CEP250: variants seen among roughly 807,000 people sequenced by gnomAD.
The protein encoded by CEP250 is centrosome-associated protein CEP250.
CEP250 carries 242 observed loss-of-function variants against 315.7 expected under a neutral mutation model. The ratio of observed to expected loss-of-function variants is 0.77; its 90% CI spans 0.69 to 0.85. The LOEUF (loss-of-function observed/expected upper bound fraction) is 0.85, where lower values mean the gene tolerates loss of function less well. Ranked by LOEUF, CEP250 falls within the 40% of genes least tolerant of loss-of-function variation. CEP250 has a pLI of 0.00. For missense variants in CEP250, 2,515 were observed against 2,886.4 expected (o/e 0.87, Z 2.95); for synonymous variants, 1,088 against 1,175.0 (o/e 0.93, Z 1.51).
chr20:35,458,508 G>A (rs573133105), intron 2 of CEP250, 134 bp downstream of exon 2: 1 of 152,234 alleles, frequency 6.6e-6, no homozygotes, highest in Non-Finnish European at 1.5e-5. Context: ...GATAACATTG[G>A]CTCAGTGGTT....
Position 35,476,554 on chromosome 20 carries a change from T to G in CEP250, c.1822T>G (p.Leu608Val). 1 of 1,613,998 alleles carries G rather than the reference T, an allele frequency of 6.2e-7. No individual in the cohort carries two copies. Among genetic ancestry groups the G allele is most frequent in the South Asian group, 1.1e-5 (1 of 91,082 alleles). Reference sequence around the variant, plus strand: ...CAAGCTCAGTGCCTTAAATGAGGCTTTGGCGTTAGATAAAGTTGGGCTGAA... The same window carrying G: ...CAAGCTCAGTGCCTTAAATGAGGCTGTGGCGTTAGATAAAGTTGGGCTGAA... ...AVKLSALNEALALDKVGLNQQ... is the reference protein window; with the variant it reads ...AVKLSALNEAVALDKVGLNQQ... The change falls in exon 16 of 35, where the codon TTG becomes GTG. Residue 608 changes from leucine (L) to valine (V), a missense_variant. Leu to Val is a conservative substitution (Grantham distance 32). Transcript: ENST00000397527.
rs1241870345 is a variant in CEP250, at chr20:35,507,760, G to A, written c.6659G>A (p.Arg2220Gln). The change falls in exon 31 of 35, where the codon CGG becomes CAG. Residue 2220 changes from arginine to glutamine, a missense_variant. Physicochemically the swap from Arg to Gln is conservative, Grantham distance 43. Coordinates refer to ENST00000397527, the MANE Select transcript of CEP250 (RefSeq NM_007186.6). ...TAGGATGAACTGGAGCTCACCAGAC[G>A]GGCTCTGGAGAAGGAGCGGCTACAC... ...RLQDELELTR[R>Q]ALEKERLHSP... 9 of 1,555,890 alleles carry A rather than the reference G, an allele frequency of 5.8e-6. No individual in the cohort carries two copies. The highest frequency in any genetic ancestry group is 4.7e-5 in the South Asian group (4 of 84,830).
chr20:35,463,081 T>G (rs2062793437), intron 4 of CEP250, among the ~76,000 whole-genome samples: 5 of 152,102 alleles, frequency 3.3e-5, no homozygotes, highest in African/African-American at 1.2e-4. Context: ...TGAGACAGAG[T>G]CTCGCTCATA....
In CEP250 at chr20:35,503,934, G is replaced by A. The variant is rs775263043; in HGVS notation, c.5565G>A (p.Lys1855=). 1 of 1,613,386 alleles carries A rather than the reference G, an allele frequency of 6.2e-7. No homozygotes were observed. The highest frequency in any genetic ancestry group is 1.7e-5 in the Admixed American group (1 of 59,876). The change falls in exon 30 of 35, where the codon AAG becomes AAA. Residue 1855 remains lysine (K), a synonymous_variant. Coordinates refer to ENST00000397527, the MANE Select transcript of CEP250 (RefSeq NM_007186.6). This position sits in a 1 kb window ranked among gnomAD's most constrained non-coding sequence, Gnocchi z 4.2. ...GALEQAHMTL[K]ERHGELQDHK... ...TGGAGCAAGCCCATATGACACTGAA[G>A]GAGCGTCATGGAGAGCTTCAGGACC...
chr20:35,459,328 A>C (rs962762257), intron 2 of CEP250, among the ~76,000 whole-genome samples: 1 of 152,012 alleles, frequency 6.6e-6, no homozygotes, highest in African/African-American at 2.4e-5. Flanking sequence ...TTATTTGCTT[A>C]AGTATTACTA....
rs1234444438 is a variant in CEP250 at position 35,475,610 on chromosome 20, G to C, written c.1680G>C (p.Arg560Ser). The stretch of plus-strand genomic sequence containing the variant: ...GTCACCTGGAAGGGGAGTTACTGAG[G>C]CAAGAGCAAACGGAAGTGACCGCAG... ...ESSHLEGELL[R>S]QEQTEVTAAL... Residue 560 changes from arginine to serine, a missense_variant, in exon 15 of 35, where the codon AGG becomes AGC. Arg to Ser is a moderately radical substitution (Grantham distance 110, BLOSUM62 -1). Transcript: ENST00000397527. The C allele has an allele frequency of 5.0e-6, 8 of 1,613,964 alleles. No individual in the cohort carries two copies. The highest frequency in any genetic ancestry group is 6.8e-6 in the Non-Finnish European group (8 of 1,180,022).
chr20:35,498,693 C>CT lies in CEP250; in HGVS notation c.3755dup (p.Trp1253ValfsTer23), dbSNP rs759659803. The CT allele has an allele frequency of 2.5e-6, 4 of 1,594,940 alleles. No individual in the cohort carries two copies. The highest frequency in any genetic ancestry group is 3.4e-6 in the Non-Finnish European group (4 of 1,174,382). ...TGCCCTCCACAAGCTTCATCAAGAC[C>CT]TGTGGAAGACTCAACAGACCCGGGT... is the stretch of plus-strand genomic sequence containing the variant. On this transcript the variant is annotated frameshift_variant, in exon 27 of 35. Transcript: ENST00000397527. LOFTEE classifies it high-confidence loss of function.
At chr20:35,469,700 T>C in intron 9 of CEP250, 190 bp from the exon 10 acceptor site, 1 of 437,374 alleles carries the variant, frequency 2.3e-6, no homozygotes, top group Non-Finnish European at 4.0e-6. Flanking sequence ...GGTTTTTTGC[T>C]TCCCCACTTC....
In CEP250 at chr20:35,504,245, C is replaced by T; in HGVS notation, c.5876C>T (p.Ala1959Val). Reference protein sequence around the residue: ...SQSSRHQEEAARARAEALQEA... With the variant: ...SQSSRHQEEAVRARAEALQEA... Reference sequence around the variant, plus strand: ...TCCTCCCGGCATCAGGAGGAGGCTGCCCGGGCCCGGGCTGAGGCTCTGCAG... The same window carrying T: ...TCCTCCCGGCATCAGGAGGAGGCTGTCCGGGCCCGGGCTGAGGCTCTGCAG... The change falls in exon 30 of 35, where the codon GCC (alanine) becomes GTC (valine). Residue 1959 changes from alanine (A) to valine (V), a missense_variant. Coordinates refer to ENST00000397527, the MANE Select transcript of CEP250 (RefSeq NM_007186.6). The T allele has an allele frequency of 1.3e-6, 2 of 1,599,928 alleles. No homozygotes were observed. Among genetic ancestry groups the T allele is most frequent in the African/African-American group, 1.3e-5 (1 of 74,776 alleles).
chr20:35,467,253 C>T (rs751711345), intron 8 of CEP250, 51 bp from the exon 9 acceptor site: 1 of 1,584,940 alleles, frequency 6.3e-7, no homozygotes, highest in African/African-American at 1.3e-5. Flanking sequence ...GATCACCACA[C>T]TCCTTCCCTG....
intron 19 of CEP250, 24 bp from the exon 20 acceptor site, chr20:35,479,952 C>A: frequency 6.2e-7 from 1 of 1,611,598 alleles, no homozygotes; most frequent in Non-Finnish European, 8.5e-7. Context: ...GGGCGGAGGC[C>A]TGATCCTGTC....
In CEP250 at chr20:35,500,143, A is replaced by G. The variant is rs1248345630; in HGVS notation, c.3872A>G (p.Gln1291Arg). ...GTCCACACAGAGTTGCAGGATCTGC[A>G]GAGACAGCTCTCCCAGAATCAGGAA... Reference protein sequence around the residue: ...SQVHTELQDLQRQLSQNQEEK... With the variant: ...SQVHTELQDLRRQLSQNQEEK... The change falls in exon 28 of 35, where the codon CAG becomes CGG. Residue 1291 changes from glutamine (Q) to arginine (R), a missense_variant. Gln to Arg is a conservative substitution (Grantham distance 43). Transcript: ENST00000397527. The G allele has an allele frequency of 3.7e-6, 6 of 1,613,992 alleles. No individual in the cohort carries two copies. The highest frequency in any genetic ancestry group is 5.1e-6 in the Non-Finnish European group (6 of 1,180,034).
rs777012903 is a variant in CEP250, at chr20:35,503,900, A to C, written c.5531A>C (p.Gln1844Pro). ...ERVKEKADAL[Q>P]GALEQAHMTL... ...GTGAAGGAAAAGGCAGACGCCCTCC[A>C]GGGAGCTCTGGAGCAAGCCCATATG... Residue 1844 changes from glutamine (Q) to proline (P), a missense_variant, in exon 30 of 35, where the codon CAG (glutamine) becomes CCG (proline). Gln to Pro is a moderately conservative substitution (Grantham distance 76). Coordinates refer to ENST00000397527, the MANE Select transcript of CEP250 (RefSeq NM_007186.6). The surrounding 1 kb of genome is among the most constrained non-coding windows in gnomAD (Gnocchi z 4.2). 1 of 1,613,968 alleles carries C rather than the reference A, an allele frequency of 6.2e-7. No homozygotes were observed. Among genetic ancestry groups the C allele is most frequent in the South Asian group, 1.1e-5 (1 of 91,064 alleles).
At chr20:35,462,208 T>G in intron 3 of CEP250, 57 bp from the exon 4 acceptor site, 2 of 569,760 alleles carry the variant, frequency 3.5e-6, no homozygotes, top group East Asian at 2.9e-5. Flanking sequence ...TTCTGAGGAG[T>G]CTTGTGTGTA....
chr20:35,472,938 G>A, intron 12 of CEP250, 107 bp downstream of exon 12: 1 of 1,081,146 alleles, frequency 9.2e-7, no homozygotes. Flanking sequence ...TTTTTGACCA[G>A]TCATGAGGTG....
intron 29 of CEP250, 39 bp from the exon 30 acceptor site, chr20:35,502,351 G>T: frequency 6.6e-7 from 1 of 1,523,354 alleles, no homozygotes; most frequent in Non-Finnish European, 8.9e-7. Context: ...CAGTAGCAGG[G>T]AAGTGTAGTC....
rs1363978665 is a variant in CEP250, at chr20:35,472,613, C to T, written c.1051-60C>T. On this transcript the variant is annotated intron_variant, in intron 11 of 34. Coordinates refer to ENST00000397527, the MANE Select transcript of CEP250 (RefSeq NM_007186.6). ...GTTTGTCCAGGCTATAGGGTTAAGTCCCTCTATAGACTCTAGGCTTTGGTC... is the reference window on the plus strand; with the variant it reads ...GTTTGTCCAGGCTATAGGGTTAAGTTCCTCTATAGACTCTAGGCTTTGGTC... 4.5e-6 allele frequency: 7 copies of T among 1,546,770 alleles called. No individual in the cohort carries two copies. In the African/African-American group the frequency reaches 9.5e-5, roughly 21 times the overall value.
chr20:35,492,045 T>C (rs1460768112), intron 22 of CEP250, among the ~76,000 whole-genome samples: 1 of 151,938 alleles, frequency 6.6e-6, no homozygotes, highest in Admixed American at 6.6e-5. Context: ...TTGTGATAAG[T>C]GCTGTAAAGG....
At position 35,517,892 on chromosome 20, in the gene CEP250, A is replaced by T. The variant is rs150557498; in HGVS notation, c.*6266A>T. ...AGACCATCCTAAGCGAAAAAATATA[A>T]AAATTAGCTCAGTGTGATGATGTGC... On this transcript the variant is annotated 3_prime_UTR_variant, in exon 35 of 35. Transcript: ENST00000397527. 2.0e-4 allele frequency: 30 copies of T among 150,578 alleles called. No homozygotes were observed. Among genetic ancestry groups the T allele is most frequent in the African/African-American group, 6.6e-4 (27 of 40,934 alleles). The allele number at this position is 150,578 out of a possible 1,614,324, so 9.3% of individuals were successfully genotyped here.
Sources: gnomAD v4.1 joint callset for allele counts (sites outside exome capture counted in the v4.1 genomes callset) on GRCh38, gnomAD v4.1.1 for gene constraint, Gnocchi (gnomAD v3.1) non-coding constraint, MANE v1.5 for transcripts, NCBI Gene and HGNC (gene_info 2026-07-23, HGNC 2026-07-21) for gene names.